SPAG9: variants seen among roughly 807,000 people sequenced by gnomAD.
The protein encoded by SPAG9 is C-Jun-amino-terminal kinase-interacting protein 4.
A neutral mutation model predicts 166.5 loss-of-function variants in SPAG9; 35 were observed. The ratio of observed to expected loss-of-function variants is 0.21; its 90% confidence interval spans 0.16 to 0.28. SPAG9 has a LOEUF of 0.28. SPAG9 is among the 10% of genes least tolerant of loss of function. SPAG9 has a pLI of 1.00. For missense variants in SPAG9, 1,235 were observed against 1,603.3 expected (o/e 0.77, Z 3.92); for synonymous variants, 534 against 565.5 (o/e 0.94, Z 0.79).
intron 22 of SPAG9, 104 bp from the exon 23 acceptor site, chr17:50,985,882 T>C (rs907747349): frequency 9.6e-6 from 6 of 625,698 alleles, no homozygotes; most frequent in Non-Finnish European, 1.6e-5. Flanking sequence ...AAGAGTAACA[T>C]ACAAATTTTA....
chr17:50,975,029 A>G lies in SPAG9; in HGVS notation c.3524-82T>C, dbSNP rs562753228. On this transcript the variant is annotated intron_variant, in intron 27 of 29. Transcript: ENST00000262013. ...AAGAGGTTACTGGTTAATCCTTATG[A>G]TATTATCTAAAAGCTACAGCCAGTT... The G allele has an allele frequency of 2.4e-3, 3,196 of 1,308,226 alleles. 88 individuals carry two copies. In the South Asian group the frequency reaches 0.041, roughly 17 times the overall value. The allele number at this position is 1,308,226 out of a possible 1,614,324, so 81.0% of individuals were successfully genotyped here.
At chr17:51,094,334 A>G (rs2144703002) in intron 1 of SPAG9, among the ~76,000 whole-genome samples, 1 of 152,324 alleles carries the variant, frequency 6.6e-6, no homozygotes, top group South Asian at 2.1e-4. Context: ...AGAAATAAAA[A>G]TGGGACTCTG....
At chr17:51,067,990 G>C (rs1598119442) in intron 2 of SPAG9, among the ~76,000 whole-genome samples, 1 of 152,090 alleles carries the variant, frequency 6.6e-6, no homozygotes, top group African/African-American at 2.4e-5. Flanking sequence ...GTTGTCTTCT[G>C]CCCCATCAGA....
At chr17:50,995,574 A>T (rs2044640741) in intron 16 of SPAG9, 41 bp from the exon 17 acceptor site, 1 of 1,203,256 alleles carries the variant, frequency 8.3e-7, no homozygotes, top group Middle Eastern at 1.9e-4. Context: ...GCACATTAGT[A>T]AGCCTCATCA....
intron 1 of SPAG9, among the ~76,000 whole-genome samples, chr17:51,084,494 T>C (rs533403924): frequency 6.6e-6 from 1 of 152,032 alleles, no homozygotes; most frequent in African/African-American, 2.4e-5. Context: ...CTTCAAGCAA[T>C]ACTCCTGCCT....
At chr17:51,087,148 A>C (rs1461761013) in intron 1 of SPAG9, among the ~76,000 whole-genome samples, 1 of 152,168 alleles carries the variant, frequency 6.6e-6, no homozygotes, top group Non-Finnish European at 1.5e-5. Flanking sequence ...ATATCCATCA[A>C]ATAGTCTAGT....
chr17:51,101,752 T>C (rs1055655976), intron 1 of SPAG9, among the ~76,000 whole-genome samples: 26 of 151,932 alleles, frequency 1.7e-4, no homozygotes, highest in African/African-American at 5.6e-4. Flanking sequence ...GCCTCCGGAG[T>C]AGCTGGGATT....
chr17:50,985,229 G>A (rs918159264), intron 23 of SPAG9, among the ~76,000 whole-genome samples: 1 of 152,180 alleles, frequency 6.6e-6, no homozygotes, highest in African/African-American at 2.4e-5. Flanking sequence ...TCTGGCCCAA[G>A]GTTCTCCTCT....
chr17:51,046,892 G>A lies in SPAG9; in HGVS notation c.590+483C>T, dbSNP rs139638973. The stretch of plus-strand genomic sequence containing the variant: ...TAGCATTTATGCAGCAACCCCAAGC[G>A]ACAGCCAGCCTATTAACTATTTTCC... On this transcript the variant is annotated intron_variant, in intron 4 of 29. Transcript: ENST00000262013. The A allele has an allele frequency of 2.4e-5, 36 of 1,518,214 alleles. No homozygotes were observed. In the East Asian group the frequency reaches 4.0e-4, roughly 17 times the overall value. 94.0% of individuals were successfully genotyped at this position (1,518,214 alleles called of 1,614,324 possible). A position where few individuals can be genotyped will look rare whatever the true frequency, so the allele number is the denominator to read the frequency against.
At chr17:51,074,538 A>C (rs1237594485) in intron 2 of SPAG9, among the ~76,000 whole-genome samples, 1 of 152,226 alleles carries the variant, frequency 6.6e-6, no homozygotes, top group African/African-American at 2.4e-5. Flanking sequence ...AGCAAGCTTT[A>C]TTTCAGAAAG....
chr17:51,052,674 A>T (rs2047213645), intron 3 of SPAG9, among the ~76,000 whole-genome samples: 1 of 152,086 alleles, frequency 6.6e-6, no homozygotes, highest in Non-Finnish European at 1.5e-5. Context: ...TAAAATTAGT[A>T]TGTCAGGCTT....
intron 4 of SPAG9, among the ~76,000 whole-genome samples, chr17:51,046,171 A>T (rs1249998374): frequency 1.3e-5 from 2 of 152,202 alleles, no homozygotes; most frequent in Non-Finnish European, 2.9e-5. Flanking sequence ...CAGAAGCTAA[A>T]TGCAGAGGTT....
At chr17:50,979,956 CA>C in intron 25 of SPAG9, 39 bp from the exon 26 acceptor site, 1 of 1,582,066 alleles carries the variant, frequency 6.3e-7, no homozygotes, top group Non-Finnish European at 8.7e-7. Flanking sequence ...ACTTTTGCTA[CA>C]TAGAATTTCA....
chr17:51,009,098 C>A, intron 9 of SPAG9: 1 of 442,586 alleles, frequency 2.3e-6, no homozygotes. Flanking sequence ...GCTTAAAAAG[C>A]AGTAATATTA....
chr17:51,019,682 G>A lies in SPAG9; in HGVS notation c.1091+477C>T, dbSNP rs557436660. ...AGCCTGACCAACATGGAGAAACCCC[G>A]TCTCTACTAAAAATACAAAATAAGC... On this transcript the variant is annotated intron_variant, in intron 8 of 29. Transcript: ENST00000262013. Among the ~76,000 whole-genome samples, 20 of 152,126 alleles carry A rather than the reference G, an allele frequency of 1.3e-4. No homozygotes were observed. The South Asian group carries it at 3.5e-3, about 27-fold the overall frequency.
At chr17:51,074,765 G>A (rs987221741) in intron 2 of SPAG9, among the ~76,000 whole-genome samples, 2 of 152,028 alleles carry the variant, frequency 1.3e-5, no homozygotes, top group South Asian at 4.1e-4. Flanking sequence ...TTTGGAGAGA[G>A]GAATGAGAAG....
At chr17:51,038,432 T>C (rs1264380153) in intron 5 of SPAG9, among the ~76,000 whole-genome samples, 2 of 152,154 alleles carry the variant, frequency 1.3e-5, no homozygotes. Flanking sequence ...CTGAAGGAAG[T>C]ATTTCAAGAA....
In SPAG9 at chr17:50,981,455, T is replaced by A. The variant is rs537441305; in HGVS notation, c.3237+1069A>T. Among the ~76,000 whole-genome samples, 10 of 151,442 alleles carry A rather than the reference T, an allele frequency of 6.6e-5. No individual in the cohort carries two copies. The South Asian group carries it at 2.1e-3, about 32-fold the overall frequency. ...ATAGACAGCCAGATAGCTAGCTAAT[T>A]AGATAGATATAAACAGATACACAGA... On this transcript the variant is annotated intron_variant, in intron 25 of 29. Coordinates refer to ENST00000262013, the MANE Select transcript of SPAG9 (RefSeq NM_001130528.3).
At chr17:50,978,813 A>G (rs1974373876) in intron 26 of SPAG9, among the ~76,000 whole-genome samples, 1 of 152,098 alleles carries the variant, frequency 6.6e-6, no homozygotes, top group Non-Finnish European at 1.5e-5. Context: ...GAGAACATGT[A>G]AGGTCTCCTG....
Sources: allele counts gnomAD v4.1 joint callset (sites outside exome capture counted in the v4.1 genomes callset), GRCh38; gene constraint gnomAD v4.1.1; transcripts MANE v1.5; gene names NCBI Gene and HGNC (gene_info 2026-07-23, HGNC 2026-07-21).